The following SMIM14 variants were observed in gnomAD, a reference collection of about 807,000 sequenced individuals.
SMIM14 encodes the protein chromosome 4 open reading frame 34.
SMIM14 carries 5 observed loss-of-function variants against 12.6 expected under a neutral mutation model. The observed-to-expected ratio is 0.40, with a 90% CI of 0.21 to 0.83. The LOEUF (loss-of-function observed/expected upper bound fraction) is 0.83. SMIM14 is among the 40% of genes least tolerant of loss of function. The pLI, the probability that SMIM14 is intolerant of heterozygous loss-of-function variation, is 0.37. For missense variants in SMIM14, 86 were observed against 119.1 expected (o/e 0.72, Z 1.29); for synonymous variants, 30 against 40.1 (o/e 0.75, Z 0.95).
rs1711746198 is a variant in SMIM14 at position 39,552,072 on chromosome 4, T to C, written c.*54A>G. On this transcript the variant is annotated 3_prime_UTR_variant, in exon 5 of 5. Transcript: ENST00000295958. ...GGGGTTAAGAGTACTCTGGTCATCT[T>C]CGTTCGTTTGGTCGTGCAAGGTGTT... The C allele has an allele frequency of 6.8e-7, 1 of 1,476,048 alleles. No individual in the cohort carries two copies. The highest frequency in any genetic ancestry group is 1.4e-5 in the African/African-American group (1 of 70,704). The allele number at this position is 1,476,048 out of a possible 1,614,324, so 91.4% of individuals were successfully genotyped here.
intron 2 of SMIM14, chr4:39,589,811 G>A (rs1713968110): frequency 6.6e-6 from 1 of 152,094 alleles, no homozygotes; most frequent in African/African-American, 2.4e-5. Flanking sequence ...GGGAGGCCGA[G>A]GTGGATGGAT....
At chr4:39,631,731 T>G (rs1244685042) in intron 1 of SMIM14, among the ~76,000 whole-genome samples, 1 of 152,148 alleles carries the variant, frequency 6.6e-6, no homozygotes, top group Non-Finnish European at 1.5e-5. Context: ...CTAAGTCTGG[T>G]GCATATACCA....
intron 2 of SMIM14, among the ~76,000 whole-genome samples, chr4:39,598,287 T>G (rs1714457349): frequency 6.6e-6 from 1 of 152,230 alleles, no homozygotes; most frequent in Non-Finnish European, 1.5e-5. Context: ...TTTAATTGTT[T>G]TAGTTATTCG....
chr4:39,599,789 G>A (rs915556386), intron 2 of SMIM14, among the ~76,000 whole-genome samples: 23 of 152,062 alleles, frequency 1.5e-4, no homozygotes, highest in Admixed American at 4.6e-4. Flanking sequence ...GGGCATGGTA[G>A]CGCGCACCTA....
intron 2 of SMIM14, among the ~76,000 whole-genome samples, chr4:39,572,859 C>G (rs1560288013): frequency 6.6e-6 from 1 of 151,790 alleles, no homozygotes; most frequent in Non-Finnish European, 1.5e-5. Context: ...TTTTTTGAGA[C>G]AGGGTCTCAC....
rs2109970431 is a variant in SMIM14, at chr4:39,548,423, G to GGCTTGA, written c.*3702_*3703insTCAAGC. On this transcript the variant is annotated 3_prime_UTR_variant, in exon 5 of 5. Coordinates refer to ENST00000295958, the MANE Select transcript of SMIM14 (RefSeq NM_174921.3). Reference sequence around the variant, plus strand: ...TGCCCAGGCTAGTCTCAAACTCCTGGGCTCAAGCAGTTCTTGCCTCAGCCT... The same window carrying GGCTTGA: ...TGCCCAGGCTAGTCTCAAACTCCTGGGCTTGAGCTCAAGCAGTTCTTGCCTCAGCCT... 1 of 150,084 alleles carries GGCTTGA rather than the reference G, an allele frequency of 6.7e-6. No individual in the cohort carries two copies. The highest frequency in any genetic ancestry group is 2.4e-5 in the African/African-American group (1 of 40,844). 9.3% of individuals were successfully genotyped at this position (150,084 alleles called of 1,614,324 possible). A position where few individuals can be genotyped will look rare whatever the true frequency, so the allele number is the denominator to read the frequency against.
intron 2 of SMIM14, among the ~76,000 whole-genome samples, chr4:39,580,967 T>C (rs1216280028): frequency 6.6e-6 from 1 of 152,172 alleles, no homozygotes; most frequent in Non-Finnish European, 1.5e-5. Context: ...ACTCAGCTCA[T>C]GGCCCACAGA....
At chr4:39,628,631 G>A (rs1035971617) in intron 1 of SMIM14, among the ~76,000 whole-genome samples, 1 of 151,086 alleles carries the variant, frequency 6.6e-6, no homozygotes, top group Non-Finnish European at 1.5e-5. Flanking sequence ...GCAGTGAGAC[G>A]AGATCACACT....
Position 39,598,212 on chromosome 4 carries a change from T to C in SMIM14, c.75+6859A>G, listed in dbSNP as rs541679256. Among the ~76,000 whole-genome samples the C allele has an allele frequency of 7.9e-5, 12 of 152,342 alleles. No homozygotes were observed. The South Asian group carries it at 2.5e-3, about 32-fold the overall frequency. On this transcript the variant is annotated intron_variant, in intron 2 of 4. Coordinates refer to ENST00000295958, the MANE Select transcript of SMIM14 (RefSeq NM_174921.3). ...AAAGAGGCACAACAGATCCAGCTAC[T>C]CAATAGACCTATTCCTCCTTTTTGT...
intron 1 of SMIM14, among the ~76,000 whole-genome samples, chr4:39,616,373 T>C (rs187502377): frequency 4.0e-5 from 6 of 149,690 alleles, no homozygotes; most frequent in Admixed American, 4.0e-4. Context: ...CGGCCTCTAG[T>C]GACCTGCTCC....
intron 3 of SMIM14, 110 bp downstream of exon 3, chr4:39,572,305 T>TTTAA: frequency 1.1e-5 from 2 of 189,706 alleles, no homozygotes; most frequent in African/African-American, 2.9e-5. Context: ...TTTTTTTTGG[T>TTTAA]AACCACTAGA....
intron 2 of SMIM14, among the ~76,000 whole-genome samples, chr4:39,597,060 GC>G (rs1714396372): frequency 1.3e-5 from 2 of 150,596 alleles, no homozygotes. Flanking sequence ...ACAGGGATGA[GC>G]CACGGTGCCC....
intron 2 of SMIM14, among the ~76,000 whole-genome samples, chr4:39,597,875 T>C (rs191337223): frequency 1.3e-5 from 2 of 152,206 alleles, no homozygotes; most frequent in African/African-American, 4.8e-5. Flanking sequence ...AGTTAGGGCA[T>C]ACAAACAGCT....
chr4:39,628,437 G>A (rs1343383440), intron 1 of SMIM14, among the ~76,000 whole-genome samples: 1 of 151,998 alleles, frequency 6.6e-6, no homozygotes, highest in Non-Finnish European at 1.5e-5. Flanking sequence ...CACTTTGGGA[G>A]GCTGAGACGG....
intron 3 of SMIM14, among the ~76,000 whole-genome samples, chr4:39,564,598 T>C (rs1184010750): frequency 6.6e-6 from 1 of 152,162 alleles, no homozygotes; most frequent in Admixed American, 6.5e-5. Flanking sequence ...GGGTGCCCCA[T>C]AGTGTTATTT....
chr4:39,576,396 G>A (rs1713170422), intron 2 of SMIM14, among the ~76,000 whole-genome samples: 1 of 151,426 alleles, frequency 6.6e-6, no homozygotes, highest in Non-Finnish European at 1.5e-5. Flanking sequence ...ATCAAGGGTA[G>A]GCACATTTCA....
At chr4:39,607,650 T>C (rs537703931) in intron 1 of SMIM14, among the ~76,000 whole-genome samples, 4 of 152,318 alleles carry the variant, frequency 2.6e-5, no homozygotes, top group Admixed American at 2.6e-4. Context: ...CTAATGGTGT[T>C]CACATTCCAG....
rs1054670323 is a variant in SMIM14 at position 39,550,072 on chromosome 4, A to G, written c.*2054T>C. On this transcript the variant is annotated 3_prime_UTR_variant, in exon 5 of 5. Coordinates refer to ENST00000295958, the MANE Select transcript of SMIM14 (RefSeq NM_174921.3). ...GGGGAAAATACCTTATGAGTATCAC[A>G]ATTGTATCAGAGACTATTAAACAGT... is the stretch of plus-strand genomic sequence containing the variant. The G allele has an allele frequency of 9.2e-5, 14 of 152,232 alleles. No individual in the cohort carries two copies. Among genetic ancestry groups the G allele is most frequent in the Non-Finnish European group, 1.5e-5 (1 of 68,052 alleles). 9.4% of individuals were successfully genotyped at this position (152,232 alleles called of 1,614,324 possible).
intron 2 of SMIM14, among the ~76,000 whole-genome samples, chr4:39,575,322 C>A (rs1232102683): frequency 6.6e-6 from 1 of 151,926 alleles, no homozygotes; most frequent in Admixed American, 6.6e-5. Flanking sequence ...GGATTACAGG[C>A]ATGTGCCACC....
Sources: allele counts gnomAD v4.1 joint callset (sites outside exome capture counted in the v4.1 genomes callset), GRCh38; gene constraint gnomAD v4.1.1; transcripts MANE v1.5; gene names NCBI Gene and HGNC (gene_info 2026-07-23, HGNC 2026-07-21).